FRY: variants seen among roughly 807,000 people sequenced by gnomAD.
The protein encoded by FRY is FRY microtubule binding protein.
FRY carries 128 observed loss-of-function variants against 348.4 expected under a neutral mutation model. The observed-to-expected ratio is 0.37, with a 90% CI of 0.32 to 0.43. FRY has a LOEUF of 0.43. FRY is among the 20% of genes least tolerant of loss of function. The pLI is 1.00. For synonymous variants in FRY, 1,370 were observed against 1,374.7 expected, an observed-to-expected ratio of 1.00 and a Z score of 0.08; for missense variants, 2,736 against 3,695.2, an observed-to-expected ratio of 0.74 and a Z score of 6.73.
At chr13:32,091,164 A>G (rs1261967496) in intron 2 of FRY, among the ~76,000 whole-genome samples, 1 of 152,216 alleles carries the variant, frequency 6.6e-6, no homozygotes, top group East Asian at 1.9e-4. Flanking sequence ...AAGTTTTGTC[A>G]GGGTTTTGAC....
intron 17 of FRY, among the ~76,000 whole-genome samples, chr13:32,169,832 G>A (rs1366698074): frequency 1.3e-5 from 2 of 152,204 alleles, no homozygotes; most frequent in Admixed American, 6.5e-5. Context: ...TATGTTAGCA[G>A]TAATCCATCC....
chr13:32,175,484 C>T (rs775981464), intron 19 of FRY, 62 bp from the exon 20 acceptor site: 116 of 953,864 alleles, frequency 1.2e-4, no homozygotes, highest in Non-Finnish European at 1.7e-4. Flanking sequence ...CAGACGAAGG[C>T]GGTGGGGTGG....
Position 32,292,022 on chromosome 13 carries a change from G to A in FRY, c.8580+2279G>A, listed in dbSNP as rs1434024339. On this transcript the variant is annotated intron_variant, in intron 59 of 60. Transcript: ENST00000542859. Reference sequence around the variant, plus strand: ...TTTTGAGATGTAGTTGCACTCTGTTGCCCAGGCTGGAGTGCAATGGCACGA... The same window carrying A: ...TTTTGAGATGTAGTTGCACTCTGTTACCCAGGCTGGAGTGCAATGGCACGA... 2.2e-5 allele frequency: 10 copies of A among 451,930 alleles called. No homozygotes were observed. The Admixed American group carries it at 2.4e-4, about 11-fold the overall frequency. The allele number at this position is 451,930 out of a possible 1,614,324, so 28.0% of individuals were successfully genotyped here. A position where few individuals can be genotyped will look rare whatever the true frequency, so the allele number is the denominator to read the frequency against.
At chr13:32,113,679 C>T (rs1397170198) in intron 3 of FRY, among the ~76,000 whole-genome samples, 1 of 152,210 alleles carries the variant, frequency 6.6e-6, no homozygotes, top group Non-Finnish European at 1.5e-5. Context: ...CCTCTTTCAT[C>T]AGGAGCACAG....
At chr13:32,288,485 A>G (rs944039471) in intron 58 of FRY, among the ~76,000 whole-genome samples, 4 of 152,220 alleles carry the variant, frequency 2.6e-5, no homozygotes, top group African/African-American at 9.6e-5. Context: ...CTTAGCGTGA[A>G]TTTTAGTAAC....
chr13:32,215,144 C>A lies in FRY; in HGVS notation c.4682+2762C>A, dbSNP rs79321771. On this transcript the variant is annotated intron_variant, in intron 35 of 60. Coordinates refer to ENST00000542859, the MANE Select transcript of FRY (RefSeq NM_023037.3). ...AAACTACAACTTAACATTAACCTAA[C>A]CTTGAGGCCCCAGTAGCCAAAGTAA... is the stretch of plus-strand genomic sequence containing the variant. Among the ~76,000 whole-genome samples, 1,394 of 152,192 alleles carry A rather than the reference C, an allele frequency of 9.2e-3. 22 individuals carry two copies. Among genetic ancestry groups the A allele is most frequent in the African/African-American group, 0.032 (1,339 of 41,514 alleles).
At position 32,286,747 on chromosome 13, in the gene FRY, CAAAAAAAAAAAAAAAAAAAAA is replaced by C. The variant is rs6144991; in HGVS notation, c.8470-2869_8470-2849del. 2.3e-3 allele frequency among the ~76,000 whole-genome samples: 182 copies of C among 77,512 alleles called. 2 individuals carry two copies. The highest frequency in any genetic ancestry group is 7.2e-3 in the African/African-American group (124 of 17,328). The allele number at this position is 77,512 out of a possible 152,430, so 50.9% of individuals were successfully genotyped here. Reference sequence around the variant, plus strand: ...GGGGAGACAGAGCAAGACTCTGTCTCAAAAAAAAAAAAAAAAAAAAAAAAAAAAAAAAAAAAAGATGGTAGC... The same window carrying C: ...GGGGAGACAGAGCAAGACTCTGTCTCAAAAAAAAAAAAAAAAGATGGTAGC... On this transcript the variant is annotated intron_variant, in intron 58 of 60. Coordinates refer to ENST00000542859, the MANE Select transcript of FRY (RefSeq NM_023037.3).
chr13:32,099,572 A>G (rs578124560), intron 2 of FRY, among the ~76,000 whole-genome samples: 15 of 152,226 alleles, frequency 9.9e-5, no homozygotes, highest in Non-Finnish European at 1.0e-4. Context: ...CAGTCAGCAT[A>G]AAAGCTCTAT....
chr13:32,211,679 AT>A lies in FRY; in HGVS notation c.4592-611del, dbSNP rs200187841. ...CTATATTCCTTCAGCGTTGATTAAA[AT>A]TCCCCCCAAAAGTATTATCACTTTT... On this transcript the variant is annotated intron_variant, in intron 34 of 60. Transcript: ENST00000542859. Among the ~76,000 whole-genome samples the A allele has an allele frequency of 1.4e-4, 22 of 152,216 alleles. No homozygotes were observed. The East Asian group carries it at 4.2e-3, about 29-fold the overall frequency.
intron 1 of FRY, among the ~76,000 whole-genome samples, chr13:32,068,663 T>G (rs145127669): frequency 2.0e-5 from 3 of 152,338 alleles, no homozygotes; most frequent in African/African-American, 7.2e-5. Flanking sequence ...TTTCTCTTTA[T>G]TGAACTGCTT....
chr13:32,240,146 T>TA (rs1467680460), intron 46 of FRY, among the ~76,000 whole-genome samples: 2 of 152,364 alleles, frequency 1.3e-5, no homozygotes, highest in African/African-American at 4.8e-5. Context: ...TTAAATATTA[T>TA]AATACATGCT....
intron 17 of FRY, among the ~76,000 whole-genome samples, chr13:32,167,538 C>T (rs1330380250): frequency 6.6e-6 from 1 of 152,182 alleles, no homozygotes. Flanking sequence ...ACAACCTCTC[C>T]TTAATTTAGC....
At position 32,215,013 on chromosome 13, in the gene FRY, AC is replaced by A. The variant is rs375149512; in HGVS notation, c.4682+2632del. Among the ~76,000 whole-genome samples, 269 of 152,334 alleles carry A rather than the reference AC, an allele frequency of 1.8e-3. 1 individual carries two copies. Among genetic ancestry groups the A allele is most frequent in the African/African-American group, 6.1e-3 (255 of 41,576 alleles). ...GCCGTTCCTACTGACAAAAGCACAA[AC>A]AAACCTTATAGCTTAAGTGAAAGAA... On this transcript the variant is annotated intron_variant, in intron 35 of 60. Transcript: ENST00000542859.
Position 32,210,942 on chromosome 13 carries a change from A to T in FRY, c.4499A>T (p.Gln1500Leu). 1 of 1,614,002 alleles carries T rather than the reference A, an allele frequency of 6.2e-7. No homozygotes were observed. The highest frequency in any genetic ancestry group is 8.5e-7 in the Non-Finnish European group (1 of 1,179,876). The change falls in exon 34 of 61, where the codon CAG (glutamine) becomes CTG (leucine). Residue 1500 changes from glutamine (Q) to leucine (L), a missense_variant. By Grantham distance (113) the Gln-to-Leu change is moderately radical. Coordinates refer to ENST00000542859, the MANE Select transcript of FRY (RefSeq NM_023037.3). ...TMEELLFELQ[Q>L]TEPVNPIVQH... Reference sequence around the variant, plus strand: ...GAAGAGCTTCTCTTTGAGCTGCAGCAGACAGAGCCCGTGAACCCCATCGTC... The same window carrying T: ...GAAGAGCTTCTCTTTGAGCTGCAGCTGACAGAGCCCGTGAACCCCATCGTC...
At position 32,239,841 on chromosome 13, in the gene FRY, A is replaced by C; in HGVS notation, c.6647A>C (p.Tyr2216Ser). Reference sequence around the variant, plus strand: ...GTCTGTCGATACCTTCATGAAGCATATGCTGACATTACCTTGAATATGGTT... The same window carrying C: ...GTCTGTCGATACCTTCATGAAGCATCTGCTGACATTACCTTGAATATGGTT... ...NVVCRYLHEA[Y>S]ADITLNMVTY... is the part of the protein sequence containing the mutation. Residue 2216 changes from tyrosine (Y) to serine (S), a missense_variant, in exon 46 of 61, where the codon TAT becomes TCT. This residue lies in a region of FRY where 789 missense variants were observed against 996.2 expected (regional missense o/e 0.79). Coordinates refer to ENST00000542859, the MANE Select transcript of FRY (RefSeq NM_023037.3). The surrounding 1 kb of genome is among the most constrained non-coding windows in gnomAD (Gnocchi z 4.3). The C allele has an allele frequency of 6.2e-7, 1 of 1,614,016 alleles. No homozygotes were observed. The highest frequency in any genetic ancestry group is 8.5e-7 in the Non-Finnish European group (1 of 1,179,980).
rs1379403573 is a variant in FRY, at chr13:32,297,817, G to C, written c.*2357G>C. On this transcript the variant is annotated 3_prime_UTR_variant, in exon 61 of 61. Transcript: ENST00000542859. ...CCTTCCCCAGGGATACAAAGAAGTA[G>C]AAGTACCAAAGGAAAGGGTAGATAT... is the stretch of plus-strand genomic sequence containing the variant. The C allele has an allele frequency of 6.6e-6, 1 of 152,146 alleles. No individual in the cohort carries two copies. The highest frequency in any genetic ancestry group is 1.9e-4 in the East Asian group (1 of 5,190). 9.4% of individuals were successfully genotyped at this position (152,146 alleles called of 1,614,324 possible). A position where few individuals can be genotyped will look rare whatever the true frequency, so the allele number is the denominator to read the frequency against.
chr13:32,286,361 T>TA (rs925908428), intron 58 of FRY, among the ~76,000 whole-genome samples: 10 of 151,334 alleles, frequency 6.6e-5, no homozygotes, highest in East Asian at 3.9e-4. Context: ...CAATTTGATT[T>TA]AAAAAAAAAT....
intron 11 of FRY, among the ~76,000 whole-genome samples, chr13:32,146,729 T>A (rs1024276187): frequency 6.6e-6 from 1 of 152,160 alleles, no homozygotes; most frequent in Non-Finnish European, 1.5e-5. Context: ...CAGTTTTTCA[T>A]ACTGTTGTAG....
In FRY at chr13:32,160,965, A is replaced by C. The variant is rs575061701; in HGVS notation, c.1785-179A>C. Among the ~76,000 whole-genome samples, 19 of 152,244 alleles carry C rather than the reference A, an allele frequency of 1.2e-4. No homozygotes were observed. In the South Asian group the frequency reaches 2.3e-3, roughly 18 times the overall value. On this transcript the variant is annotated intron_variant, in intron 16 of 60. Coordinates refer to ENST00000542859, the MANE Select transcript of FRY (RefSeq NM_023037.3). The stretch of plus-strand genomic sequence containing the variant: ...CTCTGTCTTACATTTAAATTACTTA[A>C]AGTTTTATTAGAACTGGTCAAGCTA...
Sources: allele counts gnomAD v4.1 joint callset (sites outside exome capture counted in the v4.1 genomes callset), GRCh38; gene constraint gnomAD v4.1.1; regional missense constraint gnomAD v4.1.1; non-coding constraint Gnocchi (gnomAD v3.1); transcripts MANE v1.5; gene names NCBI Gene and HGNC (gene_info 2026-07-23, HGNC 2026-07-21).